TMEM45B: variants seen among roughly 807,000 people sequenced by gnomAD.
TMEM45B encodes the protein transmembrane protein 45B.
In TMEM45B, 29 loss-of-function variants were observed where a neutral mutation model predicts 27.3. The observed-to-expected ratio is 1.06, with a 90% CI of 0.79 to 1.45. TMEM45B has a LOEUF of 1.45. Among genes scored for constraint, TMEM45B ranks in the 40% most tolerant of loss-of-function variants. The pLI is 0.00. For missense variants in TMEM45B, 348 were observed against 343.9 expected, an observed-to-expected ratio of 1.01 and a Z score of -0.09; for synonymous variants, 143 against 134.7, an observed-to-expected ratio of 1.06 and a Z score of -0.43.
intron 1 of TMEM45B, among the ~76,000 whole-genome samples, chr11:129,826,285 C>A (rs985887244): frequency 6.6e-6 from 1 of 152,026 alleles, no homozygotes; most frequent in African/African-American, 2.4e-5. Flanking sequence ...CGCGGTGGCT[C>A]ACGCCTGTAA....
At chr11:129,816,020 G>T in intron 1 of TMEM45B, 122 bp downstream of exon 1, 2 of 1,225,248 alleles carry the variant, frequency 1.6e-6, no homozygotes, top group Non-Finnish European at 2.0e-6. Flanking sequence ...ACCTGCGGGG[G>T]AGGGGACGCG....
At chr11:129,828,050 A>G (rs1056404414) in intron 1 of TMEM45B, 3 of 152,216 alleles carry the variant, frequency 2.0e-5, no homozygotes, top group Non-Finnish European at 4.4e-5. Context: ...AAATGTCATT[A>G]TGCGGCACCT....
chr11:129,847,408 T>TTTTTTTTA (rs1555072233), intron 1 of TMEM45B, among the ~76,000 whole-genome samples: 1 of 49,614 alleles, frequency 2.0e-5, no homozygotes, highest in African/African-American at 1.1e-4. Flanking sequence ...TATGAAGTTA[T>TTTTTTTTA]TTTTTTTTAT....
intron 1 of TMEM45B, among the ~76,000 whole-genome samples, chr11:129,820,674 T>C (rs1053693098): frequency 2.0e-5 from 3 of 152,212 alleles, no homozygotes; most frequent in Non-Finnish European, 4.4e-5. Flanking sequence ...TCAGGTAGTT[T>C]AGCAAAAGCG....
rs565330758 is a variant in TMEM45B, at chr11:129,843,658, A to G, written c.-8-8817A>G. On this transcript the variant is annotated intron_variant, in intron 1 of 5. Transcript: ENST00000281441. The stretch of plus-strand genomic sequence containing the variant: ...CTGCATAGACATTTCTCTAAAGAAG[A>G]CATACAATGGCCAAGTGGTTTATGA... 3.9e-5 allele frequency among the ~76,000 whole-genome samples: 6 copies of G among 152,296 alleles called. No individual in the cohort carries two copies. The South Asian group carries it at 1.2e-3, about 32-fold the overall frequency.
At chr11:129,831,940 C>T (rs1434507464) in intron 1 of TMEM45B, among the ~76,000 whole-genome samples, 1 of 151,864 alleles carries the variant, frequency 6.6e-6, no homozygotes, top group Admixed American at 6.6e-5. Context: ...CTGGCGGATG[C>T]CTGTAATCCC....
At chr11:129,828,787 A>G (rs1591436815) in intron 1 of TMEM45B, among the ~76,000 whole-genome samples, 1 of 152,116 alleles carries the variant, frequency 6.6e-6, no homozygotes, top group East Asian at 1.9e-4. Context: ...GACCAAACAC[A>G]CGTCTCATTC....
Position 129,857,214 on chromosome 11 carries a change from G to A in TMEM45B, c.571-99G>A, listed in dbSNP as rs927198414. ...AACGAAGTGTGGGAACTATGAGGCG[G>A]TGGTCACACATGGGCCACTTCGGTG... On this transcript the variant is annotated intron_variant, in intron 4 of 5. Transcript: ENST00000281441. 4.3e-6 allele frequency: 6 copies of A among 1,389,708 alleles called. No homozygotes were observed. In the Admixed American group the frequency reaches 1.1e-4, roughly 26 times the overall value. 86.1% of individuals were successfully genotyped at this position (1,389,708 alleles called of 1,614,324 possible).
At chr11:129,822,759 A>G (rs1435799265) in intron 1 of TMEM45B, among the ~76,000 whole-genome samples, 2 of 152,222 alleles carry the variant, frequency 1.3e-5, no homozygotes, top group African/African-American at 4.8e-5. Context: ...CTAGGGAATG[A>G]AAACTCTTTG....
intron 1 of TMEM45B, among the ~76,000 whole-genome samples, chr11:129,839,722 G>A (rs1183452951): frequency 6.6e-6 from 1 of 152,040 alleles, no homozygotes; most frequent in Non-Finnish European, 1.5e-5. Context: ...TTTTAGTAGA[G>A]ACGGGTCTCA....
intron 1 of TMEM45B, among the ~76,000 whole-genome samples, chr11:129,841,384 G>A (rs1386637586): frequency 6.6e-6 from 1 of 152,134 alleles, no homozygotes; most frequent in Non-Finnish European, 1.5e-5. Flanking sequence ...TTAACAGGGG[G>A]ATTCTGGAAA....
At chr11:129,839,076 C>T (rs1947659047) in intron 1 of TMEM45B, among the ~76,000 whole-genome samples, 1 of 152,166 alleles carries the variant, frequency 6.6e-6, no homozygotes, top group Non-Finnish European at 1.5e-5. Context: ...CTCTTTCTGA[C>T]TCCTTCTACC....
chr11:129,855,637 G>A (rs531549261), intron 3 of TMEM45B, 71 bp from the exon 4 acceptor site: 1 of 1,533,796 alleles, frequency 6.5e-7, no homozygotes, highest in South Asian at 1.2e-5. Flanking sequence ...GCTGAGACAG[G>A]TGTAGGAGGA....
intron 1 of TMEM45B, among the ~76,000 whole-genome samples, chr11:129,827,930 A>T (rs1947505157): frequency 6.6e-6 from 1 of 152,166 alleles, no homozygotes; most frequent in Admixed American, 6.5e-5. Flanking sequence ...AGATCGTGCC[A>T]CCGCCCTCCA....
At chr11:129,828,909 T>C (rs1207935030) in intron 1 of TMEM45B, among the ~76,000 whole-genome samples, 1 of 152,188 alleles carries the variant, frequency 6.6e-6, no homozygotes, top group Non-Finnish European at 1.5e-5. Context: ...CAACTTTAGG[T>C]CAAAATATGT....
intron 1 of TMEM45B, among the ~76,000 whole-genome samples, chr11:129,849,959 G>A (rs1422833720): frequency 6.6e-6 from 1 of 151,926 alleles, no homozygotes; most frequent in East Asian, 1.9e-4. Context: ...CCGTTCTCTT[G>A]ATAACTAGCA....
At chr11:129,847,774 A>T (rs1312771605) in intron 1 of TMEM45B, among the ~76,000 whole-genome samples, 3 of 152,102 alleles carry the variant, frequency 2.0e-5, no homozygotes, top group Non-Finnish European at 2.9e-5. Flanking sequence ...AAAGTCTCCC[A>T]TGTCTACTTC....
intron 3 of TMEM45B, among the ~76,000 whole-genome samples, chr11:129,855,388 A>G (rs1245992143): frequency 1.3e-5 from 2 of 152,190 alleles, no homozygotes; most frequent in African/African-American, 4.8e-5. Context: ...TACCTCAGCA[A>G]GAGTCGAAAA....
At chr11:129,854,288 G>C (rs927700053) in intron 2 of TMEM45B, among the ~76,000 whole-genome samples, 3 of 152,222 alleles carry the variant, frequency 2.0e-5, no homozygotes, top group Non-Finnish European at 4.4e-5. Flanking sequence ...CGACTTAAGT[G>C]ATGATGTCTT....
Sources: allele counts gnomAD v4.1 joint callset (sites outside exome capture counted in the v4.1 genomes callset), GRCh38; gene constraint gnomAD v4.1.1; transcripts MANE v1.5; gene names NCBI Gene and HGNC (gene_info 2026-07-23, HGNC 2026-07-21).